The following ITFG1 variants were observed in gnomAD, a reference collection of about 807,000 sequenced individuals.
ITFG1 encodes T-cell immunomodulatory protein.
A neutral mutation model predicts 81.8 loss-of-function variants in ITFG1; 34 were observed. That is an observed-to-expected ratio of 0.42 (90% CI 0.32 to 0.55). The LOEUF is 0.55. Ranked by LOEUF, ITFG1 falls within the 20% of genes least tolerant of loss-of-function variation. ITFG1 has a pLI of 0.17. For missense variants in ITFG1, 672 were observed against 755.4 expected, an observed-to-expected ratio of 0.89 and a Z score of 1.29; for synonymous variants, 285 against 270.6, an observed-to-expected ratio of 1.05 and a Z score of -0.52.
At chr16:47,276,589 C>T (rs1187975055) in intron 10 of ITFG1, among the ~76,000 whole-genome samples, 1 of 152,184 alleles carries the variant, frequency 6.6e-6, no homozygotes, top group Admixed American at 6.5e-5. Context: ...GACAAAATTA[C>T]ATGGGAAGGT....
intron 5 of ITFG1, among the ~76,000 whole-genome samples, chr16:47,434,542 A>C (rs772899062): frequency 1.3e-5 from 2 of 152,184 alleles, no homozygotes; most frequent in Admixed American, 6.5e-5. Context: ...TAAAAAGTCA[A>C]AAAGCAACAG....
chr16:47,261,566 G>C (rs1966209622), intron 10 of ITFG1, among the ~76,000 whole-genome samples: 1 of 152,114 alleles, frequency 6.6e-6, no homozygotes, highest in South Asian at 2.1e-4. Context: ...ATAGCTCCTA[G>C]GCATTTTCCC....
intron 8 of ITFG1, among the ~76,000 whole-genome samples, chr16:47,316,153 G>A (rs2151566567): frequency 6.6e-6 from 1 of 152,224 alleles, no homozygotes; most frequent in South Asian, 2.1e-4. Flanking sequence ...AATTTCAAGA[G>A]TATAATTTCA....
intron 13 of ITFG1, among the ~76,000 whole-genome samples, chr16:47,221,151 G>T (rs1354357507): frequency 6.6e-6 from 1 of 152,026 alleles, no homozygotes; most frequent in African/African-American, 2.4e-5. Flanking sequence ...CTTTTCGGAA[G>T]CTCCCTGAAA....
chr16:47,228,689 C>T (rs186352526), intron 13 of ITFG1, among the ~76,000 whole-genome samples: 28 of 152,288 alleles, frequency 1.8e-4, no homozygotes, highest in Non-Finnish European at 3.5e-4. Context: ...ATGTACTTGT[C>T]CTGTACTTTG....
intron 6 of ITFG1, among the ~76,000 whole-genome samples, chr16:47,391,311 CTATA>C (rs1968528175): frequency 6.6e-6 from 1 of 152,254 alleles, no homozygotes; most frequent in South Asian, 2.1e-4. Context: ...TGAAGAGAGT[CTATA>C]TAAAGACACC....
chr16:47,210,929 T>C (rs1965554039), intron 14 of ITFG1, among the ~76,000 whole-genome samples: 1 of 152,190 alleles, frequency 6.6e-6, no homozygotes, highest in African/African-American at 2.4e-5. Flanking sequence ...TCAGTTCTAT[T>C]AGGTTGGTGC....
intron 4 of ITFG1, 115 bp downstream of exon 4, chr16:47,452,618 C>T (rs1431419542): frequency 1.5e-6 from 1 of 669,158 alleles, no homozygotes; most frequent in Admixed American, 3.2e-5. Context: ...ATCAAAGGTA[C>T]AGGCCTCTGA....
chr16:47,186,032 C>T (rs996925818), intron 14 of ITFG1, among the ~76,000 whole-genome samples: 1 of 152,172 alleles, frequency 6.6e-6, no homozygotes, highest in African/African-American at 2.4e-5. Flanking sequence ...AATTCCTCGA[C>T]ACATACACCC....
At chr16:47,225,248 T>C (rs975334618) in intron 13 of ITFG1, among the ~76,000 whole-genome samples, 1 of 148,938 alleles carries the variant, frequency 6.7e-6, no homozygotes, top group South Asian at 2.1e-4. Context: ...GTCTGAAGGA[T>C]AGAAAAAAAG....
At chr16:47,201,540 C>A (rs1268975230) in intron 14 of ITFG1, among the ~76,000 whole-genome samples, 1 of 152,118 alleles carries the variant, frequency 6.6e-6, no homozygotes, top group Non-Finnish European at 1.5e-5. Context: ...TTATTTAGAA[C>A]TAAAAATATC....
At position 47,284,846 on chromosome 16, in the gene ITFG1, G is replaced by C. The variant is rs929025434; in HGVS notation, c.1071-24151C>G. 2.0e-5 allele frequency among the ~76,000 whole-genome samples: 3 copies of C among 152,064 alleles called. No individual in the cohort carries two copies. The South Asian group carries it at 6.2e-4, about 32-fold the overall frequency. ...TTAAGTTTGTACATGAAAACCCAAA[G>C]CTTGTATAATTTTCTTGAATCACAC... On this transcript the variant is annotated intron_variant, in intron 10 of 17. Transcript: ENST00000320640.
At chr16:47,226,916 T>A (rs1015620695) in intron 13 of ITFG1, among the ~76,000 whole-genome samples, 2 of 152,200 alleles carry the variant, frequency 1.3e-5, no homozygotes, top group African/African-American at 4.8e-5. Context: ...TAATGGGTTA[T>A]CTTTTAAAAA....
chr16:47,329,942 C>T (rs1967614642), intron 8 of ITFG1, among the ~76,000 whole-genome samples: 1 of 152,080 alleles, frequency 6.6e-6, no homozygotes. Context: ...CAAATGGTGA[C>T]ACTACAATAT....
intron 1 of ITFG1, among the ~76,000 whole-genome samples, 157 bp from the exon 2 acceptor site, chr16:47,459,332 G>C (rs1224755156): frequency 6.6e-6 from 1 of 152,166 alleles, no homozygotes; most frequent in Non-Finnish European, 1.5e-5. Flanking sequence ...TAGTCCAATG[G>C]AGATGCCTAA....
At chr16:47,295,375 T>A (rs1966967454) in intron 10 of ITFG1, among the ~76,000 whole-genome samples, 1 of 152,212 alleles carries the variant, frequency 6.6e-6, no homozygotes, top group African/African-American at 2.4e-5. Flanking sequence ...ACAGTTTCAG[T>A]AGAACTGGTA....
At chr16:47,300,495 C>T (rs1967059393) in intron 10 of ITFG1, among the ~76,000 whole-genome samples, 1 of 152,146 alleles carries the variant, frequency 6.6e-6, no homozygotes, top group East Asian at 1.9e-4. Context: ...AAAGAAAGAC[C>T]TGGAGGAACT....
intron 13 of ITFG1, among the ~76,000 whole-genome samples, chr16:47,230,140 G>C (rs1240993840): frequency 6.6e-6 from 1 of 152,068 alleles, no homozygotes; most frequent in East Asian, 1.9e-4. Flanking sequence ...TGTGGATAAG[G>C]GGGGACTATT....
chr16:47,199,202 G>A (rs903307513), intron 14 of ITFG1, among the ~76,000 whole-genome samples: 1 of 152,070 alleles, frequency 6.6e-6, no homozygotes, highest in Non-Finnish European at 1.5e-5. Flanking sequence ...GGGAGGCAGA[G>A]GTTGCAGTGA....
Sources: allele counts gnomAD v4.1 joint callset (sites outside exome capture counted in the v4.1 genomes callset), GRCh38; gene constraint gnomAD v4.1.1; transcripts MANE v1.5; gene names NCBI Gene and HGNC (gene_info 2026-07-23, HGNC 2026-07-21).